Variants in HTT observed in about 807,000 individuals in gnomAD.
HTT encodes the protein huntingtin.
HTT carries 104 observed loss-of-function variants against 362.3 expected under a neutral mutation model. The observed-to-expected ratio is 0.29, with a 90% CI of 0.24 to 0.34. HTT has a LOEUF of 0.34. Ranked by LOEUF, HTT falls within the 10% of genes least tolerant of loss-of-function variation. The pLI is 1.00. For synonymous variants in HTT, 1,577 were observed against 1,548.7 expected (o/e 1.02, Z -0.43); for missense variants, 3,301 against 3,928.6 (o/e 0.84, Z 4.27).
At chr4:3,182,630 A>G (rs180908656) in intron 37 of HTT, among the ~76,000 whole-genome samples, 160 bp downstream of exon 37, 58 of 152,184 alleles carry the variant, frequency 3.8e-4, no homozygotes, top group Admixed American at 8.5e-4. Context: ...ATTTCTTCTC[A>G]CAATGCCATC....
intron 40 of HTT, 136 bp from the exon 41 acceptor site, chr4:3,199,596 T>G: frequency 1.5e-6 from 1 of 684,090 alleles, no homozygotes; most frequent in Non-Finnish European, 2.4e-6. Flanking sequence ...CAGAATTTTC[T>G]AAATGCCAGG....
Position 3,223,510 on chromosome 4 carries a change from C to T in HTT, c.7575C>T (p.Ser2525=), listed in dbSNP as rs1317289112. 2 of 1,613,946 alleles carry T rather than the reference C, an allele frequency of 1.2e-6. No homozygotes were observed. The highest frequency in any genetic ancestry group is 1.7e-6 in the Non-Finnish European group (2 of 1,179,904). Residue 2525 remains serine, a synonymous_variant, in exon 55 of 67, where the codon AGC becomes AGT. Transcript: ENST00000355072. ...CTGTGGCCGGCAACCCAGCTGTAAG[C>T]TGCTTGGAGCAGCAGCCCCGGAACA... ...TVPVAGNPAV[S]CLEQQPRNKP... is the part of the protein sequence containing the mutation.
At chr4:3,083,572 C>T (rs1441452160) in intron 1 of HTT, among the ~76,000 whole-genome samples, 7 of 142,262 alleles carry the variant, frequency 4.9e-5, no homozygotes, top group African/African-American at 1.7e-4. Context: ...CACACACACA[C>T]ACACACACAC....
intron 12 of HTT, chr4:3,128,484 G>C (rs1040877359): frequency 6.6e-6 from 1 of 152,254 alleles, no homozygotes; most frequent in African/African-American, 2.4e-5. Context: ...TTAAGGCCTT[G>C]TTGGGCCCTG....
intron 61 of HTT, among the ~76,000 whole-genome samples, chr4:3,234,943 G>A (rs1046885612): frequency 5.3e-5 from 8 of 152,234 alleles, no homozygotes; most frequent in Non-Finnish European, 1.0e-4. Flanking sequence ...TCAGGAAGTA[G>A]AGGGGACTGG....
chr4:3,235,017 A>T (rs901767404), intron 61 of HTT, among the ~76,000 whole-genome samples: 1 of 152,130 alleles, frequency 6.6e-6, no homozygotes, highest in Non-Finnish European at 1.5e-5. Flanking sequence ...GGTGGCCAGC[A>T]TGGAGGTGGC....
In HTT at chr4:3,140,565, G is replaced by T. The variant is rs758729035; in HGVS notation, c.2854G>T (p.Ala952Ser). The change falls in exon 22 of 67, where the codon GCC becomes TCC. Residue 952 changes from alanine (A) to serine (S), a missense_variant. This residue lies in a region of HTT where 2,316 missense variants were observed against 2,658.5 expected (regional missense o/e 0.87). Coordinates refer to ENST00000355072, the MANE Select transcript of HTT (RefSeq NM_001388492.1). ...CCAAGGACAAGCTGATCCAGTAGTG[G>T]CCGTGGCAAGAGATCAAAGCAGTGT... ...CDQGQADPVV[A>S]VARDQSSVYL... 6.2e-7 allele frequency: 1 copy of T among 1,614,026 alleles called. No individual in the cohort carries two copies. Among genetic ancestry groups the T allele is most frequent in the Non-Finnish European group, 8.5e-7 (1 of 1,179,894 alleles).
At position 3,234,975 on chromosome 4, in the gene HTT, G is replaced by T. The variant is rs1005226434; in HGVS notation, c.8457-309G>T. On this transcript the variant is annotated intron_variant, in intron 61 of 66. Coordinates refer to ENST00000355072, the MANE Select transcript of HTT (RefSeq NM_001388492.1). The stretch of plus-strand genomic sequence containing the variant: ...CTGGCCTGGGGTGTGGGAATCTAGG[G>T]CCTCGTTGAGGGACAGAGAGAGGAA... Among the ~76,000 whole-genome samples the T allele has an allele frequency of 2.0e-5, 3 of 152,200 alleles. No homozygotes were observed. The East Asian group carries it at 5.8e-4, about 29-fold the overall frequency.
At chr4:3,204,932 G>C (rs964566597) in intron 42 of HTT, among the ~76,000 whole-genome samples, 1 of 152,230 alleles carries the variant, frequency 6.6e-6, no homozygotes, top group African/African-American at 2.4e-5. Flanking sequence ...GCAGTGAGCT[G>C]TGACTGTGTC....
chr4:3,177,258 G>A, intron 33 of HTT, 74 bp from the exon 34 acceptor site: 2 of 949,408 alleles, frequency 2.1e-6, no homozygotes, highest in Non-Finnish European at 1.7e-6. Context: ...ATGCAGATAA[G>A]CAGGAGGAAA....
At chr4:3,078,978 G>C (rs10006129) in intron 1 of HTT, among the ~76,000 whole-genome samples, 12,845 of 152,020 alleles carry the variant, frequency 0.084, 1,119 homozygotes, top group African/African-American at 0.22. Context: ...CTCGTCATCC[G>C]CCGACCTTGT....
chr4:3,167,620 T>C (rs1428441730), intron 29 of HTT, among the ~76,000 whole-genome samples: 1 of 152,170 alleles, frequency 6.6e-6, no homozygotes, highest in African/African-American at 2.4e-5. Flanking sequence ...AAATGGCTGT[T>C]TTTCAGTTAC....
intron 51 of HTT, among the ~76,000 whole-genome samples, chr4:3,216,950 G>A (rs886209962): frequency 2.0e-5 from 3 of 151,082 alleles, no homozygotes; most frequent in Non-Finnish European, 4.4e-5. Flanking sequence ...GCGTGAACCC[G>A]GGAGGCGGAG....
Position 3,172,314 on chromosome 4 carries a change from C to T in HTT, c.3865-6C>T, listed in dbSNP as rs1393118268. The T allele has an allele frequency of 6.4e-7, 1 of 1,552,694 alleles. No individual in the cohort carries two copies. The highest frequency in any genetic ancestry group is 2.3e-5 in the East Asian group (1 of 44,330). ...GTCGCTTAATGTCTCACTTGTCTTT[C>T]TACAGTGTGTTGAAGAGATCCTAGG... On this transcript the variant is annotated splice_region_variant and splice_polypyrimidine_tract_variant and intron_variant, in intron 29 of 66. Transcript: ENST00000355072.
intron 16 of HTT, 57 bp downstream of exon 16, chr4:3,131,832 T>G: frequency 6.6e-7 from 1 of 1,526,400 alleles, no homozygotes; most frequent in Non-Finnish European, 9.0e-7. Context: ...GTAAAAACTA[T>G]TTCAGTATTG....
In HTT at chr4:3,228,655, C is replaced by T. The variant is rs772284652; in HGVS notation, c.7889C>T (p.Pro2630Leu). 1 of 1,607,358 alleles carries T rather than the reference C, an allele frequency of 6.2e-7. No individual in the cohort carries two copies. Among genetic ancestry groups the T allele is most frequent in the Non-Finnish European group, 8.5e-7 (1 of 1,176,490 alleles). ...HSVWLGNSIT[P>L]LREEEWDEEE... Reference sequence around the variant, plus strand: ...GTGTGGCTGGGGAACAGCATCACACCCCTGAGGGAGGAGGAATGGGACGAG... The same window carrying T: ...GTGTGGCTGGGGAACAGCATCACACTCCTGAGGGAGGAGGAATGGGACGAG... Residue 2630 changes from proline (P) to leucine (L), a missense_variant, in exon 58 of 67, where the codon CCC becomes CTC. By Grantham distance (98) the Pro-to-Leu change is moderately conservative. Transcript: ENST00000355072. This position sits in a 1 kb window ranked among gnomAD's most constrained non-coding sequence, Gnocchi z 4.3.
Position 3,154,414 on chromosome 4 carries a change from G to A in HTT, c.3620G>A (p.Ser1207Asn). The stretch of plus-strand genomic sequence containing the variant: ...AGTCCCAAGAAAGGCAGTGAGGCCA[G>A]TGCAGGTAGGAAACAGCGTGGGGAA... ...PLSPKKGSEA[S>N]AASRQSDTSG... The change falls in exon 27 of 67, where the codon AGT becomes AAT. Residue 1207 changes from serine to asparagine, a missense_variant. This residue lies in a region of HTT where 2,316 missense variants were observed against 2,658.5 expected (regional missense o/e 0.87). Coordinates refer to ENST00000355072, the MANE Select transcript of HTT (RefSeq NM_001388492.1). 6.2e-7 allele frequency: 1 copy of A among 1,613,882 alleles called. No individual in the cohort carries two copies. The highest frequency in any genetic ancestry group is 8.5e-7 in the Non-Finnish European group (1 of 1,179,908).
intron 40 of HTT, among the ~76,000 whole-genome samples, chr4:3,193,153 A>G (rs532717420): frequency 2.0e-5 from 3 of 152,368 alleles, no homozygotes; most frequent in South Asian, 4.1e-4. Flanking sequence ...GGCGCCACAG[A>G]ATCCTGGAGA....
intron 38 of HTT, 43 bp downstream of exon 38, chr4:3,186,762 G>A (rs917375118): frequency 1.9e-6 from 3 of 1,565,584 alleles, no homozygotes; most frequent in Admixed American, 1.7e-5. Context: ...TGGACGGCTT[G>A]TTCAGGCTCT....
Sources: gnomAD v4.1 joint callset for allele counts (sites outside exome capture counted in the v4.1 genomes callset) on GRCh38, gnomAD v4.1.1 for gene constraint, gnomAD v4.1.1 regional missense constraint, Gnocchi (gnomAD v3.1) non-coding constraint, MANE v1.5 for transcripts, NCBI Gene and HGNC (gene_info 2026-07-23, HGNC 2026-07-21) for gene names.